TIAM2: variants seen among roughly 807,000 people sequenced by gnomAD.
TIAM2 encodes the protein rho guanine nucleotide exchange factor TIAM2.
Under a neutral mutation model 152.9 loss-of-function variants are expected in TIAM2, and 80 were observed. The observed-to-expected ratio is 0.52, with a 90% CI of 0.44 to 0.63. The LOEUF is 0.63. TIAM2 is among the 30% of genes least tolerant of loss of function. TIAM2 has a pLI of 0.00. For missense variants in TIAM2, 1,965 were observed against 2,120.1 expected, an observed-to-expected ratio of 0.93 and a Z score of 1.44; for synonymous variants, 804 against 838.0, an observed-to-expected ratio of 0.96 and a Z score of 0.70.
At chr6:155,249,638 A>AAAAAG (rs1384533496) in intron 20 of TIAM2, among the ~76,000 whole-genome samples, 6 of 152,250 alleles carry the variant, frequency 3.9e-5, no homozygotes, top group African/African-American at 1.4e-4. Flanking sequence ...GTCTCATTTC[A>AAAAAG]AAAAGAATTT....
intron 12 of TIAM2, 44 bp from the exon 13 acceptor site, chr6:155,182,182 G>A: frequency 6.5e-7 from 1 of 1,526,986 alleles, no homozygotes; most frequent in African/African-American, 1.4e-5. Context: ...GAAATTCAGT[G>A]TGGTGGGCTG....
chr6:155,194,739 G>A lies in TIAM2; in HGVS notation c.3064+11239G>A, dbSNP rs1024982993. Among the ~76,000 whole-genome samples, 9 of 152,268 alleles carry A rather than the reference G, an allele frequency of 5.9e-5. No homozygotes were observed. In the East Asian group the frequency reaches 1.7e-3, roughly 29 times the overall value. On this transcript the variant is annotated intron_variant, in intron 14 of 26. Transcript: ENST00000682666. ...GAAAGAAGAAAACCCCAGGTCTTCC[G>A]CTTTAAACATTTCAACATTGACATG...
chr6:155,097,071 G>T (rs183140778), intron 2 of TIAM2, among the ~76,000 whole-genome samples: 1 of 152,212 alleles, frequency 6.6e-6, no homozygotes, highest in Non-Finnish European at 1.5e-5. Context: ...ATATCTCATT[G>T]TAGTTTTGAT....
chr6:155,148,100 C>CTG lies in TIAM2; in HGVS notation c.1804-4_1804-3dup. On this transcript the variant is annotated splice_polypyrimidine_tract_variant and intron_variant, in intron 6 of 26. Transcript: ENST00000682666. ...GATTCGAAACAGGCTTTCTCCCTCC[C>CTG]TGTGTGTAGGCCACCAGCCAGACAG... 6.2e-7 allele frequency: 1 copy of CTG among 1,613,602 alleles called. No homozygotes were observed. Among genetic ancestry groups the CTG allele is most frequent in the South Asian group, 1.1e-5 (1 of 91,036 alleles).
chr6:155,148,465 T>A (rs1477285964), intron 7 of TIAM2, 131 bp downstream of exon 7: 2 of 926,746 alleles, frequency 2.2e-6, no homozygotes, highest in African/African-American at 3.3e-5. Flanking sequence ...CTGGGGGAAA[T>A]AATTTCTGTG....
At chr6:155,181,660 A>G (rs1013908660) in intron 12 of TIAM2, among the ~76,000 whole-genome samples, 1 of 151,990 alleles carries the variant, frequency 6.6e-6, no homozygotes, top group African/African-American at 2.4e-5. Flanking sequence ...GGCAACCACC[A>G]GTTTGTTAAT....
intron 15 of TIAM2, among the ~76,000 whole-genome samples, chr6:155,212,606 A>G (rs888548528): frequency 6.6e-6 from 1 of 152,212 alleles, no homozygotes; most frequent in African/African-American, 2.4e-5. Context: ...CACTATCACA[A>G]GATTCTTGGG....
intron 1 of TIAM2, among the ~76,000 whole-genome samples, chr6:155,068,352 T>C (rs973868815): frequency 6.6e-6 from 1 of 152,188 alleles, no homozygotes; most frequent in Non-Finnish European, 1.5e-5. Flanking sequence ...CTTTTATCAA[T>C]CTCTATAGAT....
In TIAM2 at chr6:155,129,804, C is replaced by T. The variant is rs147519937; in HGVS notation, c.581C>T (p.Pro194Leu). ...GTGCCTGCAGAGGACTGCAGTGAGC[C>T]GGTGCAGCTGCTGAGGTACTCACCT... is the stretch of plus-strand genomic sequence containing the variant. ...SKVPAEDCSE[P>L]VQLLRYSPTL... Residue 194 changes from proline to leucine, a missense_variant, in exon 4 of 27, where the codon CCG becomes CTG. Coordinates refer to ENST00000682666, the MANE Select transcript of TIAM2 (RefSeq NM_012454.4). The surrounding 1 kb of genome is among the most constrained non-coding windows in gnomAD (Gnocchi z 4.8). 1.4e-5 allele frequency: 22 copies of T among 1,613,570 alleles called. No homozygotes were observed. Among genetic ancestry groups the T allele is most frequent in the Middle Eastern group, 1.6e-4 (1 of 6,082 alleles).
intron 1 of TIAM2, among the ~76,000 whole-genome samples, chr6:155,037,310 C>T (rs1776941244): frequency 6.6e-6 from 1 of 152,082 alleles, no homozygotes; most frequent in Non-Finnish European, 1.5e-5. Flanking sequence ...ATAGAAGGTC[C>T]TAAGTAAACT....
chr6:155,008,127 A>G (rs1778429061), intron 1 of TIAM2, among the ~76,000 whole-genome samples: 1 of 152,226 alleles, frequency 6.6e-6, no homozygotes, highest in Admixed American at 6.5e-5. Context: ...AAATCTCTAA[A>G]CATTTATAGA....
At chr6:155,093,609 CT>C (rs1323071059) in intron 2 of TIAM2, among the ~76,000 whole-genome samples, 3 of 152,212 alleles carry the variant, frequency 2.0e-5, no homozygotes, top group African/African-American at 4.8e-5. Flanking sequence ...GTGAGGAAGA[CT>C]TTCCTATAGA....
At chr6:155,236,698 G>A (rs373982425) in intron 15 of TIAM2, among the ~76,000 whole-genome samples, 1 of 152,150 alleles carries the variant, frequency 6.6e-6, no homozygotes, top group Non-Finnish European at 1.5e-5. Context: ...CATATCTTAC[G>A]TGGATGGCAG....
chr6:155,087,323 T>C (rs911044102), intron 1 of TIAM2, among the ~76,000 whole-genome samples: 10 of 152,224 alleles, frequency 6.6e-5, no homozygotes, highest in African/African-American at 2.2e-4. Context: ...ATTTTATAGT[T>C]TTCAGTTAGT....
At chr6:155,103,332 T>A (rs1442124548) in intron 2 of TIAM2, among the ~76,000 whole-genome samples, 1 of 152,100 alleles carries the variant, frequency 6.6e-6, no homozygotes, top group African/African-American at 2.4e-5. Context: ...ATCTGAGGAA[T>A]GTTGGAGATA....
intron 1 of TIAM2, among the ~76,000 whole-genome samples, chr6:155,037,359 G>A (rs1030578320): frequency 1.3e-5 from 2 of 151,918 alleles, no homozygotes; most frequent in Non-Finnish European, 2.9e-5. Context: ...GAGTTCAATA[G>A]CTCTGCAGTT....
chr6:155,095,494 A>T (rs937337210), intron 2 of TIAM2, among the ~76,000 whole-genome samples: 7 of 152,140 alleles, frequency 4.6e-5, no homozygotes, highest in Non-Finnish European at 1.0e-4. Flanking sequence ...AATTTTTAGA[A>T]TGACTGATTT....
rs935376583 is a variant in TIAM2, at chr6:155,033,585, GA to G, written c.-209+38103del. Among the ~76,000 whole-genome samples the G allele has an allele frequency of 2.6e-3, 386 of 149,236 alleles. 2 individuals carry two copies. Among genetic ancestry groups the G allele is most frequent in the African/African-American group, 9.0e-3 (366 of 40,834 alleles). ...CCGTGCCAAGTATGAGTTATGCTCA[GA>G]AAAAAAAAAGTTTGCCCCAGAAATA... On this transcript the variant is annotated intron_variant, in intron 1 of 26. Transcript: ENST00000682666.
intron 9 of TIAM2, among the ~76,000 whole-genome samples, chr6:155,166,027 T>C (rs1183454162): frequency 6.6e-6 from 1 of 152,180 alleles, no homozygotes; most frequent in African/African-American, 2.4e-5. Flanking sequence ...TTAAAATAAA[T>C]GGAAAATTAA....
Sources: allele counts gnomAD v4.1 joint callset (sites outside exome capture counted in the v4.1 genomes callset), GRCh38; gene constraint gnomAD v4.1.1; non-coding constraint Gnocchi (gnomAD v3.1); transcripts MANE v1.5; gene names NCBI Gene and HGNC (gene_info 2026-07-23, HGNC 2026-07-21).